The following CDH13 variants were observed in gnomAD, a reference collection of about 807,000 sequenced individuals.
The protein encoded by CDH13 is cadherin 13.
CDH13 carries 24 observed loss-of-function variants against 63.8 expected under a neutral mutation model. The observed-to-expected ratio is 0.38, with a 90% CI of 0.27 to 0.53. The LOEUF is 0.53. CDH13 is among the 20% of genes least tolerant of loss of function. The pLI, the probability that CDH13 is intolerant of heterozygous loss-of-function variation, is 0.85. For missense variants in CDH13, 1,049 were observed against 903.1 expected, an observed-to-expected ratio of 1.16 and a Z score of -2.07; for synonymous variants, 503 against 355.3, an observed-to-expected ratio of 1.42 and a Z score of -4.67.
intron 1 of CDH13, among the ~76,000 whole-genome samples, chr16:82,791,739 G>A (rs113005541): frequency 1.2e-4 from 18 of 152,272 alleles, no homozygotes; most frequent in African/African-American, 4.1e-4. Context: ...CATTGTTCCC[G>A]CAAGGCTAAG....
chr16:83,764,427 T>C (rs1597197676), intron 11 of CDH13, among the ~76,000 whole-genome samples: 1 of 152,322 alleles, frequency 6.6e-6, no homozygotes, highest in East Asian at 1.9e-4. Flanking sequence ...TTTTCATTCA[T>C]TTTTTATGCA....
chr16:83,308,063 A>G lies in CDH13; in HGVS notation c.637-36799A>G, dbSNP rs1019464431. Among the ~76,000 whole-genome samples the G allele has an allele frequency of 7.9e-5, 12 of 152,336 alleles. No individual in the cohort carries two copies. In the East Asian group the frequency reaches 2.3e-3, roughly 29 times the overall value. ...AATCAGAAGCCAAATAACTAATTGT[A>G]AAAGCTCTAAAATATGCTTTTCTTA... On this transcript the variant is annotated intron_variant, in intron 5 of 13. Coordinates refer to ENST00000567109, the MANE Select transcript of CDH13 (RefSeq NM_001257.5).
chr16:83,729,163 G>C (rs1054462228), intron 10 of CDH13, among the ~76,000 whole-genome samples: 4 of 152,068 alleles, frequency 2.6e-5, no homozygotes, highest in Admixed American at 2.6e-4. Context: ...ATCAACATCC[G>C]AATTTGGGGG....
chr16:83,334,426 C>A (rs963026111), intron 5 of CDH13, among the ~76,000 whole-genome samples: 9 of 149,752 alleles, frequency 6.0e-5, no homozygotes, highest in African/African-American at 2.0e-4. Flanking sequence ...GGCTAGAGTG[C>A]AGTTGCACAA....
intron 13 of CDH13, among the ~76,000 whole-genome samples, chr16:83,784,880 C>T (rs1381593742): frequency 6.6e-6 from 1 of 152,164 alleles, no homozygotes; most frequent in East Asian, 1.9e-4. Flanking sequence ...CCTCCACCCT[C>T]CTGTCTCAGG....
chr16:82,729,264 C>A (rs2033269277), intron 1 of CDH13, among the ~76,000 whole-genome samples: 1 of 152,118 alleles, frequency 6.6e-6, no homozygotes, highest in Admixed American at 6.6e-5. Flanking sequence ...GTTTTCAGTT[C>A]ACTTTGCCCC....
At chr16:83,706,251 C>T (rs1238354115) in intron 10 of CDH13, among the ~76,000 whole-genome samples, 1 of 152,202 alleles carries the variant, frequency 6.6e-6, no homozygotes, top group Non-Finnish European at 1.5e-5. Flanking sequence ...CAAAGGTGAG[C>T]ATCCCAAAAG....
At chr16:83,762,662 T>A (rs748136146) in intron 11 of CDH13, among the ~76,000 whole-genome samples, 1 of 152,204 alleles carries the variant, frequency 6.6e-6, no homozygotes, top group Non-Finnish European at 1.5e-5. Flanking sequence ...AGGAAAGGCA[T>A]CGTTGGCCGC....
In CDH13 at chr16:83,085,479, G is replaced by C. The variant is rs150748565; in HGVS notation, c.367-39906G>C. Among the ~76,000 whole-genome samples, 554 of 152,288 alleles carry C rather than the reference G, an allele frequency of 3.6e-3. 6 individuals carry two copies. Among genetic ancestry groups the C allele is most frequent in the African/African-American group, 0.013 (524 of 41,572 alleles). ...AGCTATCATGTCAGCAAGACTGGGA[G>C]AATGTGGAAAGGGTGAGCCAGCCAG... On this transcript the variant is annotated intron_variant, in intron 3 of 13. Coordinates refer to ENST00000567109, the MANE Select transcript of CDH13 (RefSeq NM_001257.5).
chr16:83,318,789 C>T (rs1304763220), intron 5 of CDH13, among the ~76,000 whole-genome samples: 1 of 152,076 alleles, frequency 6.6e-6, no homozygotes, highest in African/African-American at 2.4e-5. Flanking sequence ...GCAGTTTTCT[C>T]TCTTAGTGAC....
At chr16:82,633,567 C>G (rs143623492) in intron 1 of CDH13, among the ~76,000 whole-genome samples, 5 of 152,106 alleles carry the variant, frequency 3.3e-5, no homozygotes, top group African/African-American at 9.7e-5. Context: ...TTAGTAGAGA[C>G]GGGGTTTCAC....
intron 7 of CDH13, among the ~76,000 whole-genome samples, chr16:83,598,498 C>G (rs1044778407): frequency 6.6e-6 from 1 of 152,086 alleles, no homozygotes; most frequent in Non-Finnish European, 1.5e-5. Flanking sequence ...TTTGAAGAAC[C>G]TATTTTGATG....
intron 3 of CDH13, among the ~76,000 whole-genome samples, chr16:83,111,798 AGTT>A (rs1567840397): frequency 6.6e-6 from 1 of 152,232 alleles, no homozygotes; most frequent in Non-Finnish European, 1.5e-5. Context: ...TCTATTTCAT[AGTT>A]TCATCATTTT....
At chr16:82,701,852 G>T (rs1474160976) in intron 1 of CDH13, among the ~76,000 whole-genome samples, 2 of 152,114 alleles carry the variant, frequency 1.3e-5, no homozygotes, top group Admixed American at 6.5e-5. Flanking sequence ...CCAGGACTTA[G>T]TCACCTCCCC....
intron 2 of CDH13, among the ~76,000 whole-genome samples, chr16:82,936,727 G>A (rs187670921): frequency 1.7e-4 from 26 of 152,314 alleles, no homozygotes; most frequent in Non-Finnish European, 2.9e-4. Context: ...CAAGGCATAT[G>A]TTGGACGAGC....
At chr16:83,480,726 C>G (rs1287752761) in intron 6 of CDH13, among the ~76,000 whole-genome samples, 1 of 152,198 alleles carries the variant, frequency 6.6e-6, no homozygotes, top group Admixed American at 6.5e-5. Context: ...CCCCTCAGTC[C>G]TGGGAGAACT....
intron 6 of CDH13, among the ~76,000 whole-genome samples, chr16:83,354,084 C>T (rs1308088265): frequency 6.6e-6 from 1 of 152,232 alleles, no homozygotes; most frequent in South Asian, 2.1e-4. Context: ...GATCATTCTA[C>T]AGTCTTTTGA....
chr16:83,467,629 G>A (rs906360522), intron 6 of CDH13, among the ~76,000 whole-genome samples: 2 of 152,136 alleles, frequency 1.3e-5, no homozygotes, highest in African/African-American at 4.8e-5. Context: ...CTTTGGGCAC[G>A]AGACACCTGT....
chr16:82,908,133 T>C (rs1181495746), intron 2 of CDH13, among the ~76,000 whole-genome samples: 2 of 152,018 alleles, frequency 1.3e-5, no homozygotes, highest in African/African-American at 4.8e-5. Context: ...GGAAAGGAGC[T>C]AGGGTCAGGC....
Sources: gnomAD v4.1 joint callset for allele counts (sites outside exome capture counted in the v4.1 genomes callset) on GRCh38, gnomAD v4.1.1 for gene constraint, MANE v1.5 for transcripts, NCBI Gene and HGNC (gene_info 2026-07-23, HGNC 2026-07-21) for gene names.